PNLIP: variants seen among roughly 807,000 people sequenced by gnomAD.
PNLIP encodes pancreatic triacylglycerol lipase.
In PNLIP, 49 loss-of-function variants were observed where a neutral mutation model predicts 57.1. The observed-to-expected ratio is 0.86, with a 90% CI of 0.68 to 1.09. PNLIP has a LOEUF of 1.09. Ranked by LOEUF, PNLIP falls within the 50% of genes least tolerant of loss-of-function variation. PNLIP has a pLI of 0.00. For missense variants in PNLIP, 503 were observed against 570.2 expected, an observed-to-expected ratio of 0.88 and a Z score of 1.20; for synonymous variants, 209 against 200.4, an observed-to-expected ratio of 1.04 and a Z score of -0.36.
chr10:116,553,019 C>G (rs1257439126), intron 5 of PNLIP, among the ~76,000 whole-genome samples: 5 of 152,208 alleles, frequency 3.3e-5, no homozygotes, highest in Non-Finnish European at 7.3e-5. Flanking sequence ...ACATTGCTTA[C>G]CACTTACTCC....
chr10:116,561,339 A>C, intron 11 of PNLIP, 133 bp from the exon 12 acceptor site: 1 of 575,440 alleles, frequency 1.7e-6, no homozygotes, highest in Non-Finnish European at 2.9e-6. Context: ...CCTTAGCCAG[A>C]AATGCATTGT....
intron 10 of PNLIP, 87 bp downstream of exon 10, chr10:116,559,370 A>G: frequency 1.9e-6 from 2 of 1,047,496 alleles, no homozygotes; most frequent in Admixed American, 2.3e-5. Flanking sequence ...TTGCTTTTCT[A>G]TACAAAAGCT....
chr10:116,558,021 G>A (rs930655663), intron 9 of PNLIP, among the ~76,000 whole-genome samples: 12 of 151,442 alleles, frequency 7.9e-5, no homozygotes, highest in Admixed American at 2.6e-4. Flanking sequence ...TTGGGAGGCC[G>A]AGGCAGGTGG....
chr10:116,548,555 C>CATTGGTCGG, intron 4 of PNLIP, 73 bp downstream of exon 4: 1 of 1,514,252 alleles, frequency 6.6e-7, no homozygotes, highest in Non-Finnish European at 9.0e-7. Context: ...GCACTGGCCC[C>CATTGGTCGG]GACCAATGAG....
chr10:116,550,726 A>G (rs1847181807), intron 4 of PNLIP, among the ~76,000 whole-genome samples: 1 of 152,222 alleles, frequency 6.6e-6, no homozygotes, highest in South Asian at 2.1e-4. Context: ...CAAGGTAAAC[A>G]ATGTCCTTGG....
rs755039876 is a variant in PNLIP, at chr10:116,555,486, G to T, written c.790G>T (p.Asp264Tyr). ...AAAGAACATTCTCTCTCAGATTGTG[G>T]ACATAGACGGAATCTGGGAAGGTAG... ...CKKNILSQIVDIDGIWEGTRD... is the reference protein window; with the variant it reads ...CKKNILSQIVYIDGIWEGTRD... Residue 264 changes from aspartate (D) to tyrosine (Y), a missense_variant, in exon 8 of 13, where the codon GAC (aspartate) becomes TAC (tyrosine). Physicochemically the swap from Asp to Tyr is radical, Grantham distance 160 (BLOSUM62 -3). Transcript: ENST00000369221. 2 of 1,614,046 alleles carry T rather than the reference G, an allele frequency of 1.2e-6. No homozygotes were observed. Among genetic ancestry groups the T allele is most frequent in the Non-Finnish European group, 1.7e-6 (2 of 1,179,904 alleles).
intron 12 of PNLIP, among the ~76,000 whole-genome samples, chr10:116,563,732 C>A (rs1223845311): frequency 1.3e-5 from 2 of 152,062 alleles, no homozygotes; most frequent in Non-Finnish European, 2.9e-5. Flanking sequence ...AAAAGACCCA[C>A]ACTGAGTTTC....
In PNLIP at chr10:116,559,286, A is replaced by T; in HGVS notation, c.1060+3A>T. On this transcript the variant is annotated splice_donor_region_variant and intron_variant, in intron 10 of 12. Coordinates refer to ENST00000369221, the MANE Select transcript of PNLIP (RefSeq NM_000936.4). Reference sequence around the variant, plus strand: ...TGGTGATGCCAGTAATTTTGCACGTAAGTTTCTGTTTTCTGTATCTTATAT... The same window carrying T: ...TGGTGATGCCAGTAATTTTGCACGTTAGTTTCTGTTTTCTGTATCTTATAT... The T allele has an allele frequency of 1.2e-6, 2 of 1,607,286 alleles. No homozygotes were observed. The highest frequency in any genetic ancestry group is 1.3e-5 in the African/African-American group (1 of 74,790).
chr10:116,563,772 A>G lies in PNLIP; in HGVS notation c.1334+2136A>G, dbSNP rs529279353. On this transcript the variant is annotated intron_variant, in intron 12 of 12. Transcript: ENST00000369221. ...GATGAAAAATACAATGTCACAAACA[A>G]AAAATGCACAGAATGTAATTAACAG... 4.6e-5 allele frequency among the ~76,000 whole-genome samples: 7 copies of G among 152,308 alleles called. No homozygotes were observed. The South Asian group carries it at 1.4e-3, about 32-fold the overall frequency.
intron 7 of PNLIP, 36 bp from the exon 8 acceptor site, chr10:116,555,352 A>T: frequency 8.1e-6 from 13 of 1,614,146 alleles, no homozygotes; most frequent in Non-Finnish European, 1.1e-5. Flanking sequence ...GTCTATATAC[A>T]TTAGCATAAA....
rs543000394 is a variant in PNLIP at position 116,550,496 on chromosome 10, C to T, written c.325-602C>T. Among the ~76,000 whole-genome samples, 63 of 152,184 alleles carry T rather than the reference C, an allele frequency of 4.1e-4. No individual in the cohort carries two copies. In the South Asian group the frequency reaches 0.012, roughly 30 times the overall value. On this transcript the variant is annotated intron_variant, in intron 4 of 12. Coordinates refer to ENST00000369221, the MANE Select transcript of PNLIP (RefSeq NM_000936.4). ...AGGCTTTCCATAGATATCTGGTAGG[C>T]AATGTTTTCATGTGAAATATTAATA... is the stretch of plus-strand genomic sequence containing the variant.
intron 12 of PNLIP, among the ~76,000 whole-genome samples, chr10:116,563,892 A>T (rs1174443403): frequency 2.0e-5 from 3 of 152,196 alleles, no homozygotes; most frequent in Non-Finnish European, 1.5e-5. Flanking sequence ...TCTTAAAAAT[A>T]ACTTTAAAAG....
At chr10:116,564,715 G>A (rs367552281) in intron 12 of PNLIP, among the ~76,000 whole-genome samples, 2 of 152,136 alleles carry the variant, frequency 1.3e-5, no homozygotes, top group South Asian at 4.1e-4. Flanking sequence ...ATATGTATAA[G>A]TAAAATATAA....
Position 116,555,274 on chromosome 10 carries a change from G to GT in PNLIP, c.669dup (p.Ala224CysfsTer32). On this transcript the variant is annotated frameshift_variant, in exon 7 of 13. Transcript: ENST00000369221. LOFTEE classifies it high-confidence loss of function. ...TTTGTGGATGTAATTCACACGGATG[G>GT]TGCCCCCATAGTCCCCAATTTGGGT... 1 of 1,614,148 alleles carries GT rather than the reference G, an allele frequency of 6.2e-7. No individual in the cohort carries two copies. The highest frequency in any genetic ancestry group is 8.5e-7 in the Non-Finnish European group (1 of 1,180,026).
chr10:116,551,258 G>T, intron 5 of PNLIP, 26 bp downstream of exon 5: 5 of 1,453,630 alleles, frequency 3.4e-6, no homozygotes, highest in Non-Finnish European at 3.7e-6. Flanking sequence ...TTGCATAAAA[G>T]CCTGTACACA....
At position 116,566,029 on chromosome 10, in the gene PNLIP, G is replaced by A. The variant is rs549456926; in HGVS notation, c.1335-1706G>A. On this transcript the variant is annotated intron_variant, in intron 12 of 12. Coordinates refer to ENST00000369221, the MANE Select transcript of PNLIP (RefSeq NM_000936.4). ...TCGTCATGTTGGCCAGGCTGGTCTC[G>A]AACCCCTGACCACAGGTGATCCACC... Among the ~76,000 whole-genome samples the A allele has an allele frequency of 2.4e-3, 369 of 152,232 alleles. 1 individual carries two copies. Among genetic ancestry groups the A allele is most frequent in the African/African-American group, 8.3e-3 (345 of 41,540 alleles).
chr10:116,548,417 A>G lies in PNLIP; in HGVS notation c.259A>G (p.Thr87Ala), dbSNP rs754165307. The stretch of plus-strand genomic sequence containing the variant: ...CTCCAATTTCAAAACAAATAGAAAA[A>G]CTCGCTTTATTATTCATGGATTCAT... ...SGSNFKTNRK[T>A]RFIIHGFIDK... is the part of the protein sequence containing the mutation. Residue 87 changes from threonine to alanine, a missense_variant, in exon 4 of 13, where the codon ACT (threonine) becomes GCT (alanine). By Grantham distance (58) the Thr-to-Ala change is moderately conservative. Transcript: ENST00000369221. 6.2e-7 allele frequency: 1 copy of G among 1,614,042 alleles called. No individual in the cohort carries two copies. The highest frequency in any genetic ancestry group is 8.5e-7 in the Non-Finnish European group (1 of 1,179,972).
In PNLIP at chr10:116,555,523, G is replaced by A. The variant is rs1265460583; in HGVS notation, c.811+16G>A. On this transcript the variant is annotated intron_variant, in intron 8 of 12. Transcript: ENST00000369221. The stretch of plus-strand genomic sequence containing the variant: ...ATCTGGGAAGGTAGAACTATTATGT[G>A]TAGAAAGAGATCTTCTTGGGAGAAA... 1.2e-6 allele frequency: 2 copies of A among 1,608,754 alleles called. No individual in the cohort carries two copies. Among genetic ancestry groups the A allele is most frequent in the Non-Finnish European group, 1.7e-6 (2 of 1,177,978 alleles).
In PNLIP at chr10:116,546,073, A is replaced by G; in HGVS notation, c.1-20A>G. 3 of 1,612,684 alleles carry G rather than the reference A, an allele frequency of 1.9e-6. No individual in the cohort carries two copies. Among genetic ancestry groups the G allele is most frequent in the Non-Finnish European group, 2.5e-6 (3 of 1,178,658 alleles). ...TTTAAAAACTTAGCCAGACTCAATC[A>G]TGTTTTTAATTTCGTGTAGATGCTG... On this transcript the variant is annotated intron_variant, in intron 1 of 12. Coordinates refer to ENST00000369221, the MANE Select transcript of PNLIP (RefSeq NM_000936.4).
Sources: gnomAD v4.1 joint callset for allele counts (sites outside exome capture counted in the v4.1 genomes callset) on GRCh38, gnomAD v4.1.1 for gene constraint, MANE v1.5 for transcripts, NCBI Gene and HGNC (gene_info 2026-07-23, HGNC 2026-07-21) for gene names.